The following SLC71A2 variants were observed in gnomAD, a reference collection of about 807,000 sequenced individuals.
The protein encoded by SLC71A2 is hippocampus abundant transcript-like 1.
the SLC71A2 span, chr9:94,459,033 T>A: frequency 1.9e-6 from 2 of 1,039,856 alleles, no homozygotes; most frequent in Non-Finnish European, 2.8e-6. Context: ...TGACATTTAA[T>A]GAAACATTTG....
chr9:94,439,419 GT>G, the SLC71A2 span, among the ~76,000 whole-genome samples: 2 of 150,700 alleles, frequency 1.3e-5, no homozygotes, highest in Admixed American at 6.6e-5. Context: ...TAACTTAGTT[GT>G]TTTTTTTGGA....
At chr9:94,457,527 C>G in the SLC71A2 span, among the ~76,000 whole-genome samples, 2 of 151,960 alleles carry the variant, frequency 1.3e-5, no homozygotes, top group African/African-American at 4.8e-5. Flanking sequence ...GAAGACCACA[C>G]ATTCTGTATG....
the SLC71A2 span, among the ~76,000 whole-genome samples, chr9:94,430,322 G>A: frequency 2.0e-5 from 3 of 151,096 alleles, no homozygotes; most frequent in East Asian, 1.9e-4. Flanking sequence ...TCCCGGGTTC[G>A]AGTGATTCTC....
At chr9:94,383,312 G>A in the SLC71A2 span, among the ~76,000 whole-genome samples, 35 of 151,682 alleles carry the variant, frequency 2.3e-4, no homozygotes, top group Admixed American at 1.9e-3. Flanking sequence ...ACAGGCGCAC[G>A]CCACCACACC....
chr9:94,404,901 A>G, the SLC71A2 span, among the ~76,000 whole-genome samples: 1 of 152,242 alleles, frequency 6.6e-6, no homozygotes, highest in East Asian at 1.9e-4. Context: ...TGCCATATCC[A>G]AGAAGTCATT....
chr9:94,374,873 G>A, the SLC71A2 span: 63 of 1,147,360 alleles, frequency 5.5e-5, no homozygotes, highest in Middle Eastern at 9.9e-4. Context: ...CGGAGCCCGA[G>A]GCGGGAGCCA....
At chr9:94,431,813 A>G in the SLC71A2 span, among the ~76,000 whole-genome samples, 1 of 152,182 alleles carries the variant, frequency 6.6e-6, no homozygotes. Flanking sequence ...CCCCACCAGC[A>G]ATTACAGTAT....
chr9:94,392,784 C>T, the SLC71A2 span, among the ~76,000 whole-genome samples: 1 of 152,270 alleles, frequency 6.6e-6, no homozygotes, highest in East Asian at 1.9e-4. Flanking sequence ...CAGGCATGAG[C>T]CACCACACCC....
chr9:94,386,000 A>C, the SLC71A2 span, among the ~76,000 whole-genome samples: 11 of 152,058 alleles, frequency 7.2e-5, no homozygotes, highest in Admixed American at 7.2e-4. Context: ...CCATTTCTGC[A>C]AGAAAGTCTT....
the SLC71A2 span, among the ~76,000 whole-genome samples, chr9:94,413,561 C>G: frequency 6.8e-6 from 1 of 148,000 alleles, no homozygotes; most frequent in South Asian, 2.1e-4. Context: ...AGAATGTGGG[C>G]CGGGTATGGG....
At chr9:94,385,119 A>G in the SLC71A2 span, among the ~76,000 whole-genome samples, 12 of 152,126 alleles carry the variant, frequency 7.9e-5, no homozygotes, top group African/African-American at 2.9e-4. Flanking sequence ...TTATAGCAGC[A>G]CAAAATAGAC....
chr9:94,402,486 A>G, the SLC71A2 span, among the ~76,000 whole-genome samples: 21 of 152,258 alleles, frequency 1.4e-4, no homozygotes, highest in African/African-American at 4.3e-4. Context: ...GAGTCCCTAT[A>G]TCTTTCCATT....
the SLC71A2 span, among the ~76,000 whole-genome samples, chr9:94,386,480 T>C: frequency 6.6e-6 from 1 of 151,158 alleles, no homozygotes; most frequent in Admixed American, 6.6e-5. Context: ...ATCTGTATAC[T>C]GTTCAGATGT....
At chr9:94,447,489 T>G in the SLC71A2 span, among the ~76,000 whole-genome samples, 4 of 151,774 alleles carry the variant, frequency 2.6e-5, no homozygotes, top group South Asian at 2.1e-4. Flanking sequence ...CTGTTTTTTT[T>G]TTTTTTTTTT....
At chr9:94,388,620 G>A in the SLC71A2 span, among the ~76,000 whole-genome samples, 4 of 152,100 alleles carry the variant, frequency 2.6e-5, 1 homozygote, top group Middle Eastern at 0.01. Flanking sequence ...TTATTTTTAT[G>A]TAAATCGGCT....
chr9:94,438,086 G>A, the SLC71A2 span, among the ~76,000 whole-genome samples: 1 of 151,922 alleles, frequency 6.6e-6, no homozygotes, highest in Non-Finnish European at 1.5e-5. Context: ...CTGCCACCAC[G>A]CCCGGCTAGT....
At chr9:94,398,190 T>C in the SLC71A2 span, among the ~76,000 whole-genome samples, 1 of 150,944 alleles carries the variant, frequency 6.6e-6, no homozygotes, top group Non-Finnish European at 1.5e-5. Context: ...GCATTGGCCA[T>C]TGGGAGTGCT....
chr9:94,423,070 T>C, the SLC71A2 span, among the ~76,000 whole-genome samples: 3 of 150,280 alleles, frequency 2.0e-5, no homozygotes, highest in African/African-American at 7.3e-5. Context: ...CCAAGTAGTT[T>C]GGAATACAGG....
At chr9:94,460,958 CTT>C in the SLC71A2 span, 2 of 151,616 alleles carry the variant, frequency 1.3e-5, no homozygotes, top group Non-Finnish European at 2.9e-5. Flanking sequence ...TAGTATTGCT[CTT>C]TTGGGTTCTC....
Sources: allele counts gnomAD v4.1 joint callset (sites outside exome capture counted in the v4.1 genomes callset), GRCh38; gene constraint gnomAD v4.1.1; transcripts MANE v1.5; gene names NCBI Gene and HGNC (gene_info 2026-07-23, HGNC 2026-07-21).